KCTD1: variants seen among roughly 807,000 people sequenced by gnomAD.
KCTD1 encodes the protein potassium channel tetramerization domain containing 1.
A neutral mutation model predicts 66.0 loss-of-function variants in KCTD1; 24 were observed. The ratio of observed to expected loss-of-function variants is 0.36; its 90% CI spans 0.26 to 0.51. KCTD1 has a LOEUF of 0.51. Among genes scored for constraint, KCTD1 ranks in the 20% least tolerant of loss-of-function variants. The pLI is 0.95. For missense variants in KCTD1, 943 were observed against 1,205.2 expected, an observed-to-expected ratio of 0.78 and a Z score of 3.22; for synonymous variants, 511 against 517.2, an observed-to-expected ratio of 0.99 and a Z score of 0.16.
chr18:26,471,787 G>A (rs1282036899), intron 3 of KCTD1, among the ~76,000 whole-genome samples: 3 of 152,164 alleles, frequency 2.0e-5, no homozygotes, highest in Admixed American at 2.0e-4. Context: ...AAAATTAAAA[G>A]TTGAATTTTT....
intron 1 of KCTD1, among the ~76,000 whole-genome samples, chr18:26,561,954 T>C (rs1985862821): frequency 6.6e-6 from 1 of 152,180 alleles, no homozygotes; most frequent in African/African-American, 2.4e-5. Context: ...CTCACTCTCC[T>C]AGAGTGCTGA....
At chr18:26,577,330 G>T (rs2094366635) in intron 1 of KCTD1, among the ~76,000 whole-genome samples, 1 of 152,100 alleles carries the variant, frequency 6.6e-6, no homozygotes, top group South Asian at 2.1e-4. Context: ...TTGGCTTCTA[G>T]AAATTTTTTG....
chr18:26,460,000 A>AT (rs3835044), intron 3 of KCTD1, 75 bp from the exon 4 acceptor site: 2 of 1,099,732 alleles, frequency 1.8e-6, no homozygotes, highest in East Asian at 2.4e-5. Flanking sequence ...CTAAGAGGTG[A>AT]TTTTTTTCCA....
upstream of KCTD1, chr18:26,549,822 A>G: frequency 5.1e-6 from 5 of 984,916 alleles, no homozygotes; most frequent in Non-Finnish European, 6.0e-6. Context: ...AAGCAGCCAA[A>G]GAGCTCGCCG....
chr18:26,560,610 A>G (rs1480980285), intron 1 of KCTD1, among the ~76,000 whole-genome samples: 1 of 152,124 alleles, frequency 6.6e-6, no homozygotes, highest in Non-Finnish European at 1.5e-5. Context: ...CCATTCACAC[A>G]TGTCTATTCA....
In KCTD1 at chr18:26,599,834, G is replaced by A; in HGVS notation, c.-16+29313C>T. The stretch of plus-strand genomic sequence containing the variant: ...ACCCCTGAGGAAATACAGTCTGTTC[G>A]AGAACACCTTGGTCATGAAAGTGAC... On this transcript the variant is annotated intron_variant, in intron 1 of 4. Coordinates refer to the KCTD1 transcript ENST00000317932. The A allele has an allele frequency of 5.1e-6, 8 of 1,559,244 alleles. No individual in the cohort carries two copies. In the South Asian group the frequency reaches 6.7e-5, roughly 13 times the overall value.
chr18:26,538,072 C>T (rs550479735), intron 1 of KCTD1, among the ~76,000 whole-genome samples: 21 of 151,740 alleles, frequency 1.4e-4, no homozygotes, highest in Middle Eastern at 3.4e-3. Flanking sequence ...CATGGTGAAA[C>T]GCTGTCTCTA....
In KCTD1 at chr18:26,547,785, G is replaced by A; in HGVS notation, c.752C>T (p.Thr251Ile). The A allele has an allele frequency of 6.5e-7, 1 of 1,541,574 alleles. No homozygotes were observed. The highest frequency in any genetic ancestry group is 8.7e-7 in the Non-Finnish European group (1 of 1,146,808). ...GGCGCTGCGCAGCTCGGGGTCCTTG[G>A]TGAGGTCGAGCGTGCGGCAGTACGG... ...EPPYCRTLDL[T>I]KDPELRSANL... The change falls in exon 1 of 5, where the codon ACC becomes ATC. Residue 251 changes from threonine to isoleucine, a missense_variant. By Grantham distance (89) the Thr-to-Ile change is moderately conservative (BLOSUM62 -1). This residue lies in a region of KCTD1 where 61 missense variants were observed against 109.6 expected (regional missense o/e 0.56). Transcript: ENST00000580059.
At chr18:26,486,515 G>T (rs1479209916) in intron 2 of KCTD1, among the ~76,000 whole-genome samples, 1 of 152,184 alleles carries the variant, frequency 6.6e-6, no homozygotes, top group East Asian at 1.9e-4. Flanking sequence ...GTGTTGGAAG[G>T]ACTGTTCCTA....
intron 1 of KCTD1, among the ~76,000 whole-genome samples, chr18:26,560,478 C>T (rs137891615): frequency 1.3e-5 from 2 of 152,120 alleles, no homozygotes; most frequent in Non-Finnish European, 2.9e-5. Context: ...TACCCAGATC[C>T]TTTTCCAAAA....
upstream of KCTD1, among the ~76,000 whole-genome samples, chr18:26,642,005 A>G (rs140267429): frequency 9.5e-3 from 1,446 of 152,298 alleles, 24 homozygotes; most frequent in African/African-American, 0.034. Context: ...CACTTACTAC[A>G]TGCCGGGCAC....
At chr18:26,610,790 GTCTGCT>G (rs1284854140) in intron 1 of KCTD1, among the ~76,000 whole-genome samples, 2 of 152,162 alleles carry the variant, frequency 1.3e-5, no homozygotes, top group African/African-American at 4.8e-5. Flanking sequence ...GCACCTGTGG[GTCTGCT>G]TCTGGACTCT....
At chr18:26,572,055 T>A (rs1016628623) in intron 1 of KCTD1, among the ~76,000 whole-genome samples, 2 of 151,322 alleles carry the variant, frequency 1.3e-5, no homozygotes, top group African/African-American at 4.9e-5. Context: ...GTTGTTGATG[T>A]TGTTGTTGTT....
At chr18:26,563,740 T>C (rs1985917047) in intron 1 of KCTD1, among the ~76,000 whole-genome samples, 1 of 152,200 alleles carries the variant, frequency 6.6e-6, no homozygotes, top group Non-Finnish European at 1.5e-5. Context: ...GAATAGGGGA[T>C]TGTTGTGAGG....
upstream of KCTD1, among the ~76,000 whole-genome samples, chr18:26,633,236 A>G (rs1385488025): frequency 1.3e-5 from 2 of 152,168 alleles, no homozygotes; most frequent in Non-Finnish European, 2.9e-5. Flanking sequence ...AAAATAATAA[A>G]TTATTTCAAA....
intron 1 of KCTD1, among the ~76,000 whole-genome samples, chr18:26,616,438 T>C (rs957569776): frequency 6.6e-6 from 1 of 151,388 alleles, no homozygotes; most frequent in Non-Finnish European, 1.5e-5. Context: ...CTAAGACACA[T>C]GTTTACAGCT....
chr18:26,652,414 G>A (rs949367438), intron 1 of KCTD1, among the ~76,000 whole-genome samples: 7 of 152,092 alleles, frequency 4.6e-5, no homozygotes, highest in Non-Finnish European at 5.9e-5. Flanking sequence ...AGTGTCTTCA[G>A]TTGAGTGATT....
intron 1 of KCTD1, among the ~76,000 whole-genome samples, chr18:26,618,835 C>G (rs1568011425): frequency 6.6e-6 from 1 of 152,206 alleles, no homozygotes; most frequent in Non-Finnish European, 1.5e-5. Context: ...ATTTGGAAAA[C>G]TATGCGTAGA....
upstream of KCTD1, among the ~76,000 whole-genome samples, chr18:26,633,251 A>G (rs1308778162): frequency 6.6e-6 from 1 of 152,204 alleles, no homozygotes; most frequent in Non-Finnish European, 1.5e-5. Flanking sequence ...TTCAAAAACA[A>G]TACTGGCTCT....
Sources: gnomAD v4.1 joint callset for allele counts (sites outside exome capture counted in the v4.1 genomes callset) on GRCh38, gnomAD v4.1.1 for gene constraint, gnomAD v4.1.1 regional missense constraint, MANE v1.5 for transcripts, NCBI Gene and HGNC (gene_info 2026-07-23, HGNC 2026-07-21) for gene names.